The following PCDHGB3 variants were observed in gnomAD, a reference collection of about 807,000 sequenced individuals.
PCDHGB3 encodes protocadherin gamma subfamily B, 3.
A neutral mutation model predicts 59.2 loss-of-function variants in PCDHGB3; 40 were observed. The observed-to-expected ratio is 0.68, with a 90% CI of 0.52 to 0.88. The LOEUF (loss-of-function observed/expected upper bound fraction) is 0.88. Among genes scored for constraint, PCDHGB3 ranks in the 40% least tolerant of loss-of-function variants. The pLI, the probability that PCDHGB3 is intolerant of heterozygous loss-of-function variation, is 0.00. For missense variants in PCDHGB3, 1,309 were observed against 1,187.9 expected, an observed-to-expected ratio of 1.10 and a Z score of -1.50; for synonymous variants, 581 against 503.6, an observed-to-expected ratio of 1.15 and a Z score of -2.06.
intron 1 of PCDHGB3, chr5:141,384,125 A>T (rs376990785): frequency 1.2e-6 from 2 of 1,610,814 alleles, no homozygotes; most frequent in Non-Finnish European, 1.7e-6. Flanking sequence ...ACAACCAAAA[A>T]CTTGGACCGG....
chr5:141,384,771 C>T (rs568102289), intron 1 of PCDHGB3: 36 of 1,613,878 alleles, frequency 2.2e-5, no homozygotes, highest in Admixed American at 1.7e-4. Context: ...TGTACACGGG[C>T]GAGGTGCGCA....
chr5:141,375,114 T>G, intron 1 of PCDHGB3: 1 of 1,613,970 alleles, frequency 6.2e-7, no homozygotes, highest in African/African-American at 1.3e-5. Context: ...AATGATAATG[T>G]ACCAGAAGTG....
intron 1 of PCDHGB3, chr5:141,492,003 T>G: frequency 1.6e-6 from 1 of 626,972 alleles, no homozygotes; most frequent in Non-Finnish European, 2.6e-6. Context: ...TCGGGCGATT[T>G]CCGCGGGTGT....
Position 141,477,167 on chromosome 5 carries a change from G to C in PCDHGB3, c.2416-17640G>C. The C allele has an allele frequency of 6.2e-7, 1 of 1,614,166 alleles. No individual in the cohort carries two copies. Among genetic ancestry groups the C allele is most frequent in the South Asian group, 1.1e-5 (1 of 91,076 alleles). ...TGTGGATGTGAATGACAACGCCCCG[G>C]AGATCACAGTCACCTCCGTGTACAG... On this transcript the variant is annotated intron_variant, in intron 1 of 3. Coordinates refer to ENST00000576222, the MANE Select transcript of PCDHGB3 (RefSeq NM_018924.5). The surrounding 1 kb of genome is among the most constrained non-coding windows in gnomAD (Gnocchi z 4.9).
At chr5:141,408,211 G>C in intron 1 of PCDHGB3, 1 of 1,554,426 alleles carries the variant, frequency 6.4e-7, no homozygotes, top group Non-Finnish European at 8.7e-7. Context: ...CGATGGGAGG[G>C]AGCTGCGCGC....
chr5:141,511,140 C>T lies in PCDHGB3; in HGVS notation c.2757C>T (p.Asn919=). Reference sequence around the variant, plus strand: ...AGGCCCCAGCAGGTGGCAATGGCAACAAGAAGAAGTCGGGCAAGAAGGAGA... The same window carrying T: ...AGGCCCCAGCAGGTGGCAATGGCAATAAGAAGAAGTCGGGCAAGAAGGAGA... ...DGKAPAGGNG[N]KKKSGKKEKK is the part of the protein sequence containing the mutation. Residue 919 remains asparagine (N), a synonymous_variant, in exon 4 of 4, where the codon AAC becomes AAT. Transcript: ENST00000576222. The T allele has an allele frequency of 1.2e-6, 2 of 1,614,186 alleles. No homozygotes were observed. The highest frequency in any genetic ancestry group is 1.3e-5 in the African/African-American group (1 of 75,050).
chr5:141,412,987 A>C lies in PCDHGB3; in HGVS notation c.2415+40178A>C, dbSNP rs192699644. Reference sequence around the variant, plus strand: ...AGGAGAGAAAACGCAGCCAGAGCTCAATCCGGATTCTCAGGGCTTCAACTA... The same window carrying C: ...AGGAGAGAAAACGCAGCCAGAGCTCCATCCGGATTCTCAGGGCTTCAACTA... On this transcript the variant is annotated intron_variant, in intron 1 of 3. Transcript: ENST00000576222. The C allele has an allele frequency of 5.3e-6, 3 of 564,534 alleles. No homozygotes were observed. In the African/African-American group the frequency reaches 5.7e-5, roughly 11 times the overall value. The allele number at this position is 564,534 out of a possible 1,614,324, so 35.0% of individuals were successfully genotyped here.
intron 1 of PCDHGB3, among the ~76,000 whole-genome samples, chr5:141,473,775 T>A (rs1219791398): frequency 6.6e-6 from 1 of 152,190 alleles, no homozygotes; most frequent in African/African-American, 2.4e-5. Flanking sequence ...ATTTGGTATT[T>A]TAATTCAAGA....
intron 1 of PCDHGB3, among the ~76,000 whole-genome samples, chr5:141,425,402 A>C (rs1288785443): frequency 6.6e-6 from 1 of 152,222 alleles, no homozygotes; most frequent in Non-Finnish European, 1.5e-5. Flanking sequence ...AAGTTCTGTT[A>C]AGGTATAACA....
At position 141,489,097 on chromosome 5, in the gene PCDHGB3, C is replaced by A; in HGVS notation, c.2416-5710C>A. ...ACCCCCGCCACTCGGTGACTAAGAA[C>A]TGCTGCAAGCAGGCAAACCTCCGAG... On this transcript the variant is annotated intron_variant, in intron 1 of 3. Transcript: ENST00000576222. This position sits in a 1 kb window ranked among gnomAD's most constrained non-coding sequence, Gnocchi z 4.5. The A allele has an allele frequency of 2.6e-5, 8 of 313,358 alleles. No homozygotes were observed. Among genetic ancestry groups the A allele is most frequent in the Non-Finnish European group, 3.5e-5 (6 of 172,456 alleles). The allele number at this position is 313,358 out of a possible 1,614,324, so 19.4% of individuals were successfully genotyped here. A position where few individuals can be genotyped will look rare whatever the true frequency, so the allele number is the denominator to read the frequency against.
chr5:141,371,796 G>A lies in PCDHGB3; in HGVS notation c.1402G>A (p.Gly468Arg). The A allele has an allele frequency of 1.2e-6, 2 of 1,613,914 alleles. No homozygotes were observed. Among genetic ancestry groups the A allele is most frequent in the Non-Finnish European group, 1.7e-6 (2 of 1,179,876 alleles). Residue 468 changes from glycine to arginine, a missense_variant, in exon 1 of 4, where the codon GGA becomes AGA. Physicochemically the swap from Gly to Arg is moderately radical, Grantham distance 125. Coordinates refer to ENST00000576222, the MANE Select transcript of PCDHGB3 (RefSeq NM_018924.5). ...TVHVAENNPP[G>R]ASIAHVRASD... ...GCATGTAGCTGAGAACAATCCGCCTGGAGCCTCCATTGCGCATGTCAGAGC... is the reference window on the plus strand; with the variant it reads ...GCATGTAGCTGAGAACAATCCGCCTAGAGCCTCCATTGCGCATGTCAGAGC...
chr5:141,389,230 T>G, intron 1 of PCDHGB3: 1 of 1,613,936 alleles, frequency 6.2e-7, no homozygotes, highest in Non-Finnish European at 8.5e-7. Flanking sequence ...AACGCTCCGG[T>G]TTTCTCACAG....
At chr5:141,427,857 G>T (rs746661329) in intron 1 of PCDHGB3, 2 of 1,554,576 alleles carry the variant, frequency 1.3e-6, no homozygotes, top group Admixed American at 3.3e-5. Flanking sequence ...GCAGCTGTGC[G>T]CCTTCGAGCT....
At chr5:141,413,498 T>G (rs1187570193) in intron 1 of PCDHGB3, 1 of 1,614,026 alleles carries the variant, frequency 6.2e-7, no homozygotes, top group Admixed American at 1.7e-5. Context: ...CGGTGCGTGG[T>G]GAGTTTTAAT....
intron 1 of PCDHGB3, chr5:141,377,028 G>A (rs776077319): frequency 2.5e-4 from 39 of 154,858 alleles, no homozygotes; most frequent in Admixed American, 6.4e-5. Context: ...ATTCAAGATT[G>A]TCTTTGATTA....
At chr5:141,500,947 C>T (rs933082173) in intron 2 of PCDHGB3, among the ~76,000 whole-genome samples, 15 of 151,822 alleles carry the variant, frequency 9.9e-5, no homozygotes, top group African/African-American at 3.6e-4. Context: ...CGGCTCACTG[C>T]AAGCTCCACC....
At chr5:141,430,405 A>T (rs1163049877) in intron 1 of PCDHGB3, among the ~76,000 whole-genome samples, 1 of 152,124 alleles carries the variant, frequency 6.6e-6, no homozygotes, top group Non-Finnish European at 1.5e-5. Flanking sequence ...AAGCTCACTA[A>T]AGTTTCTATT....
At chr5:141,402,353 GA>G (rs1261209598) in intron 1 of PCDHGB3, among the ~76,000 whole-genome samples, 2 of 151,844 alleles carry the variant, frequency 1.3e-5, no homozygotes, top group Non-Finnish European at 2.9e-5. Context: ...AATTAAAAAT[GA>G]ATGTACTTCC....
intron 1 of PCDHGB3, chr5:141,418,673 G>A (rs2096279740): frequency 5.0e-6 from 8 of 1,614,026 alleles, no homozygotes; most frequent in Non-Finnish European, 6.8e-6. Context: ...CCAGGACGAG[G>A]GCATCAACTC....
Sources: gnomAD v4.1 joint callset for allele counts (sites outside exome capture counted in the v4.1 genomes callset) on GRCh38, gnomAD v4.1.1 for gene constraint, Gnocchi (gnomAD v3.1) non-coding constraint, MANE v1.5 for transcripts, NCBI Gene and HGNC (gene_info 2026-07-23, HGNC 2026-07-21) for gene names.